The following CCNT1 variants were observed in gnomAD, a reference collection of about 807,000 sequenced individuals.
The protein encoded by CCNT1 is cyclin T1.
Under a neutral mutation model 67.3 loss-of-function variants are expected in CCNT1, and 18 were observed. The ratio of observed to expected loss-of-function variants is 0.27; its 90% CI spans 0.18 to 0.40. CCNT1 has a LOEUF of 0.40. Among genes scored for constraint, CCNT1 ranks in the 10% least tolerant of loss-of-function variants. CCNT1 has a pLI of 1.00. For synonymous variants in CCNT1, 333 were observed against 310.3 expected (o/e 1.07, Z -0.77); for missense variants, 744 against 884.9 (o/e 0.84, Z 2.02).
rs11829868 is a variant in CCNT1 at position 48,696,240 on chromosome 12, A to T, written c.543-78T>A. The T allele has an allele frequency of 0.013, 331 of 25,554 alleles. No homozygotes were observed. The highest frequency in any genetic ancestry group is 0.091 in the East Asian group (6 of 66). 1.6% of individuals were successfully genotyped at this position (25,554 alleles called of 1,614,324 possible). A position where few individuals can be genotyped will look rare whatever the true frequency, so the allele number is the denominator to read the frequency against. On this transcript the variant is annotated intron_variant, in intron 6 of 8. Coordinates refer to ENST00000261900, the MANE Select transcript of CCNT1 (RefSeq NM_001240.4). The stretch of plus-strand genomic sequence containing the variant: ...CCAAAGCTAAAACTCTCCATTATTT[A>T]AAAAAAAAAAAAAAAAAAAAAAAAA...
rs573858905 is a variant in CCNT1 at position 48,712,704 on chromosome 12, C to A, written c.243+1739G>T. Among the ~76,000 whole-genome samples, 3 of 142,556 alleles carry A rather than the reference C, an allele frequency of 2.1e-5. No homozygotes were observed. In the East Asian group the frequency reaches 6.2e-4, roughly 29 times the overall value. 93.5% of individuals were successfully genotyped at this position (142,556 alleles called of 152,430 possible). A position where few individuals can be genotyped will look rare whatever the true frequency, so the allele number is the denominator to read the frequency against. Reference sequence around the variant, plus strand: ...CCTGTAATCCCAACACTTTGGGAGGCTGAGGCGGGCAGATCACCTGAGGTC... The same window carrying A: ...CCTGTAATCCCAACACTTTGGGAGGATGAGGCGGGCAGATCACCTGAGGTC... On this transcript the variant is annotated intron_variant, in intron 2 of 8. Transcript: ENST00000261900.
Position 48,691,394 on chromosome 12 carries a change from A to C in CCNT1, c.*1639T>G, listed in dbSNP as rs1245867153. ...CTTGGCATGAAGTAAGCTGCAATCA[A>C]ATCATGAAAACAAACTCAAATTGAA... is the stretch of plus-strand genomic sequence containing the variant. On this transcript the variant is annotated 3_prime_UTR_variant, in exon 9 of 9. Coordinates refer to ENST00000261900, the MANE Select transcript of CCNT1 (RefSeq NM_001240.4). 6.6e-6 allele frequency: 1 copy of C among 152,208 alleles called. No homozygotes were observed. Among genetic ancestry groups the C allele is most frequent in the African/African-American group, 2.4e-5 (1 of 41,454 alleles). 9.4% of individuals were successfully genotyped at this position (152,208 alleles called of 1,614,324 possible). A position where few individuals can be genotyped will look rare whatever the true frequency, so the allele number is the denominator to read the frequency against.
chr12:48,713,461 C>G (rs1215763652), intron 2 of CCNT1, among the ~76,000 whole-genome samples: 1 of 152,200 alleles, frequency 6.6e-6, no homozygotes, highest in Admixed American at 6.5e-5. Flanking sequence ...ACATTTACTT[C>G]TTTTGCTGTG....
At chr12:48,708,208 T>C (rs1940393763) in intron 2 of CCNT1, among the ~76,000 whole-genome samples, 1 of 152,020 alleles carries the variant, frequency 6.6e-6, no homozygotes, top group Non-Finnish European at 1.5e-5. Context: ...ACCCTGTCTC[T>C]GTTTTTTAAA....
chr12:48,697,655 C>A (rs1940193761), intron 6 of CCNT1, among the ~76,000 whole-genome samples: 1 of 146,972 alleles, frequency 6.8e-6, no homozygotes, highest in South Asian at 2.1e-4. Context: ...CCCATCTCTA[C>A]TAAAAACACA....
At chr12:48,707,139 T>G (rs941665386) in intron 2 of CCNT1, among the ~76,000 whole-genome samples, 4 of 152,152 alleles carry the variant, frequency 2.6e-5, no homozygotes, top group African/African-American at 9.7e-5. Context: ...TATATATTCC[T>G]CAGACTTTAG....
At chr12:48,706,930 C>T (rs1037828039) in intron 2 of CCNT1, among the ~76,000 whole-genome samples, 1 of 152,060 alleles carries the variant, frequency 6.6e-6, no homozygotes, top group Non-Finnish European at 1.5e-5. Context: ...TTAGGCCAGA[C>T]ACAGTGGTTC....
rs1200545579 is a variant in CCNT1 at position 48,691,927 on chromosome 12, G to A, written c.*1106C>T. 2 of 151,916 alleles carry A rather than the reference G, an allele frequency of 1.3e-5. No homozygotes were observed. The highest frequency in any genetic ancestry group is 2.9e-5 in the Non-Finnish European group (2 of 67,998). 9.4% of individuals were successfully genotyped at this position (151,916 alleles called of 1,614,324 possible). A position where few individuals can be genotyped will look rare whatever the true frequency, so the allele number is the denominator to read the frequency against. On this transcript the variant is annotated 3_prime_UTR_variant, in exon 9 of 9. Coordinates refer to ENST00000261900, the MANE Select transcript of CCNT1 (RefSeq NM_001240.4). Reference sequence around the variant, plus strand: ...AGTATCCTCTAGCTTCTCCCATATGGTTTGGGCTTTCACAGGCAGGATATA... The same window carrying A: ...AGTATCCTCTAGCTTCTCCCATATGATTTGGGCTTTCACAGGCAGGATATA...
Position 48,692,823 on chromosome 12 carries a change from C to A in CCNT1, c.*210G>T. On this transcript the variant is annotated 3_prime_UTR_variant, in exon 9 of 9. Transcript: ENST00000261900. ...CACAGCTTCAACACCTCTCTAATAC[C>A]AGTAAAAACTGTAAGAAAATAGTTA... 1 of 503,180 alleles carries A rather than the reference C, an allele frequency of 2.0e-6. No individual in the cohort carries two copies. The highest frequency in any genetic ancestry group is 3.5e-6 in the Non-Finnish European group (1 of 282,374). 31.2% of individuals were successfully genotyped at this position (503,180 alleles called of 1,614,324 possible).
chr12:48,708,145 CAGG>C (rs1299686260), intron 2 of CCNT1, among the ~76,000 whole-genome samples: 1 of 152,188 alleles, frequency 6.6e-6, no homozygotes, highest in Non-Finnish European at 1.5e-5. Context: ...GAGGCCAAAG[CAGG>C]AGAATCACTT....
Position 48,693,258 on chromosome 12 carries a change from G to A in CCNT1, c.1956C>T (p.Thr652=), listed in dbSNP as rs756674370. ...CAGTGTCTTGATAGTCTATTGTCTG[G>A]GTCGTGTTGTGACCATTGGCCCCAG... The part of the protein sequence containing the change: ...GPTGANGHNT[T]QTIDYQDTVN... The change falls in exon 9 of 9, where the codon ACC becomes ACT. Residue 652 remains threonine, a synonymous_variant. Transcript: ENST00000261900. 2 of 1,614,196 alleles carry A rather than the reference G, an allele frequency of 1.2e-6. No individual in the cohort carries two copies. The highest frequency in any genetic ancestry group is 1.7e-5 in the Admixed American group (1 of 60,018).
chr12:48,714,515 C>T lies in CCNT1; in HGVS notation c.171G>A (p.Leu57=). 1 of 1,606,246 alleles carries T rather than the reference C, an allele frequency of 6.2e-7. No individual in the cohort carries two copies. Among genetic ancestry groups the T allele is most frequent in the East Asian group, 2.2e-5 (1 of 44,782 alleles). Residue 57 remains leucine (L), a synonymous_variant, in exon 2 of 9, where the codon TTG becomes TTA. Coordinates refer to ENST00000261900, the MANE Select transcript of CCNT1 (RefSeq NM_001240.4). The stretch of plus-strand genomic sequence containing the variant: ...TGTATACTATAGCAGTGTTGATAGT[C>T]AATTGTGAGCTGAAGTGTTCAAGTT... ...DMGQRLNVSQ[L]TINTAIVYMH...
intron 2 of CCNT1, 64 bp from the exon 3 acceptor site, chr12:48,705,960 C>G (rs779893865): frequency 6.8e-7 from 1 of 1,471,588 alleles, no homozygotes; most frequent in Non-Finnish European, 9.2e-7. Flanking sequence ...TAAGGTAGAT[C>G]TAAAGAGGAG....
intron 8 of CCNT1, among the ~76,000 whole-genome samples, chr12:48,695,270 GA>G (rs1265272428): frequency 6.6e-6 from 1 of 151,420 alleles, no homozygotes; most frequent in African/African-American, 2.4e-5. Context: ...ATATCTGACA[GA>G]AAAAAAAGGA....
Position 48,693,696 on chromosome 12 carries a change from G to A in CCNT1, c.1518C>T (p.His506=). ...ATGGGTGAGTCTTGTGCTTTTCTTT[G>A]TGCTCTCGGCTCTTTGTAACACTGT... ...VEDSVTKSRE[H]KEKHKTHPSN... is the part of the protein sequence containing the mutation. The change falls in exon 9 of 9, where the codon CAC becomes CAT. Residue 506 remains histidine, a synonymous_variant. Transcript: ENST00000261900. 1.2e-6 allele frequency: 2 copies of A among 1,614,094 alleles called. No homozygotes were observed. The highest frequency in any genetic ancestry group is 1.7e-6 in the Non-Finnish European group (2 of 1,180,030).
chr12:48,693,856 T>C lies in CCNT1; in HGVS notation c.1358A>G (p.Glu453Gly), dbSNP rs1238517516. 1 of 1,614,102 alleles carries C rather than the reference T, an allele frequency of 6.2e-7. No homozygotes were observed. The highest frequency in any genetic ancestry group is 8.5e-7 in the Non-Finnish European group (1 of 1,179,988). The part of the protein sequence containing the change: ...GSENPERPFL[E>G]KADKTALKMR... ...TTTGAGAGCTGTTTTGTCAGCCTTT[T>C]CCAGAAAAGGCCGCTCGGGGTTTTC... The change falls in exon 9 of 9, where the codon GAA (glutamate) becomes GGA (glycine). Residue 453 changes from glutamate to glycine, a missense_variant. Coordinates refer to ENST00000261900, the MANE Select transcript of CCNT1 (RefSeq NM_001240.4).
chr12:48,705,167 A>C (rs553129883), intron 3 of CCNT1, among the ~76,000 whole-genome samples: 5 of 152,206 alleles, frequency 3.3e-5, no homozygotes, highest in Admixed American at 6.5e-5. Flanking sequence ...TGTTGCCTGC[A>C]GTGGTGTGAT....
At chr12:48,711,820 T>C (rs1940455260) in intron 2 of CCNT1, among the ~76,000 whole-genome samples, 1 of 152,130 alleles carries the variant, frequency 6.6e-6, no homozygotes, top group Non-Finnish European at 1.5e-5. Context: ...TGAGACGGAG[T>C]CTCATTCTGT....
At chr12:48,707,493 C>G (rs947795267) in intron 2 of CCNT1, among the ~76,000 whole-genome samples, 1 of 151,860 alleles carries the variant, frequency 6.6e-6, no homozygotes, top group Non-Finnish European at 1.5e-5. Context: ...CTACATTGTC[C>G]AGGCTGCTCA....
Sources: gnomAD v4.1 joint callset for allele counts (sites outside exome capture counted in the v4.1 genomes callset) on GRCh38, gnomAD v4.1.1 for gene constraint, MANE v1.5 for transcripts, NCBI Gene and HGNC (gene_info 2026-07-23, HGNC 2026-07-21) for gene names.